The following CNTN4 variants were observed in gnomAD, a reference collection of about 807,000 sequenced individuals.
The protein encoded by CNTN4 is contactin-4.
In CNTN4, 77 loss-of-function variants were observed where a neutral mutation model predicts 122.5. The observed-to-expected ratio is 0.63, with a 90% CI of 0.52 to 0.76. The LOEUF is 0.76. Ranked by LOEUF, CNTN4 falls within the 30% of genes least tolerant of loss-of-function variation. The pLI, the probability that CNTN4 is intolerant of heterozygous loss-of-function variation, is 0.00. For synonymous variants in CNTN4, 512 were observed against 447.0 expected (o/e 1.15, Z -1.83); for missense variants, 1,256 against 1,259.1 (o/e 1.00, Z 0.04).
intron 4 of CNTN4, among the ~76,000 whole-genome samples, chr3:2,579,957 A>C (rs2079861208): frequency 6.6e-6 from 1 of 152,124 alleles, no homozygotes; most frequent in Non-Finnish European, 1.5e-5. Flanking sequence ...GGTTTACAGC[A>C]CATCTGGACC....
Position 2,745,692 on chromosome 3 carries a change from T to TCAG in CNTN4, c.353_354insCAG (p.Phe118_Ala119insSer). 6.2e-7 allele frequency: 1 copy of TCAG among 1,614,080 alleles called. No individual in the cohort carries two copies. Among genetic ancestry groups the TCAG allele is most frequent in the Non-Finnish European group, 8.5e-7 (1 of 1,179,912 alleles). On this transcript the variant is annotated inframe_insertion, in exon 6 of 25. Transcript: ENST00000418658. ...GTTAGCAGAGAAGCAAAGCTTCAGT[T>TCAG]TGCTTGTAAGTAGCAATTATACAAT...
At chr3:2,696,417 T>C (rs1203493848) in intron 4 of CNTN4, among the ~76,000 whole-genome samples, 1 of 152,206 alleles carries the variant, frequency 6.6e-6, no homozygotes, top group Non-Finnish European at 1.5e-5. Flanking sequence ...AATGCACTTA[T>C]AAAAGAGGCT....
At chr3:2,639,479 C>T (rs1262953082) in intron 4 of CNTN4, among the ~76,000 whole-genome samples, 1 of 152,176 alleles carries the variant, frequency 6.6e-6, no homozygotes, top group African/African-American at 2.4e-5. Context: ...TACGCACTTC[C>T]CTCCACATTC....
At chr3:2,274,113 T>C (rs1436029200) in intron 2 of CNTN4, among the ~76,000 whole-genome samples, 1 of 152,160 alleles carries the variant, frequency 6.6e-6, no homozygotes, top group African/African-American at 2.4e-5. Context: ...CTGGATACCG[T>C]GGCTCACGCT....
chr3:2,742,948 G>A (rs1361439283), intron 5 of CNTN4, among the ~76,000 whole-genome samples: 5 of 152,048 alleles, frequency 3.3e-5, no homozygotes, highest in Admixed American at 1.3e-4. Flanking sequence ...ACTGCATTTC[G>A]GAGAAAGCAC....
At chr3:3,039,678 T>G (rs570487336) in intron 19 of CNTN4, 32 of 271,608 alleles carry the variant, frequency 1.2e-4, no homozygotes, top group African/African-American at 6.8e-4. Flanking sequence ...TTTGTCTATT[T>G]GGCAATGGAA....
intron 2 of CNTN4, among the ~76,000 whole-genome samples, chr3:2,318,898 C>G (rs542460448): frequency 6.6e-6 from 1 of 152,148 alleles, no homozygotes; most frequent in Non-Finnish European, 1.5e-5. Context: ...CCCACTTGGC[C>G]GCCCAAGTTG....
At position 2,934,391 on chromosome 3, in the gene CNTN4, C is replaced by G. The variant is rs187297552; in HGVS notation, c.1358+8612C>G. On this transcript the variant is annotated intron_variant, in intron 13 of 24. Transcript: ENST00000418658. The stretch of plus-strand genomic sequence containing the variant: ...ATTGGATCATAACCCTAATTTGCCT[C>G]TCTTCCCAAAGGCTTTTGGAAGAGT... Among the ~76,000 whole-genome samples, 144 of 152,274 alleles carry G rather than the reference C, an allele frequency of 9.5e-4. 1 individual carries two copies. The highest frequency in any genetic ancestry group is 3.0e-3 in the Admixed American group (46 of 15,302).
At chr3:2,640,354 C>T (rs1309679579) in intron 4 of CNTN4, among the ~76,000 whole-genome samples, 2 of 152,118 alleles carry the variant, frequency 1.3e-5, no homozygotes, top group Non-Finnish European at 2.9e-5. Context: ...TTTTGTAAGG[C>T]TGTTTATGGG....
At chr3:2,106,290 ACT>A (rs1325576098) in intron 2 of CNTN4, among the ~76,000 whole-genome samples, 2 of 152,074 alleles carry the variant, frequency 1.3e-5, no homozygotes, top group Admixed American at 1.3e-4. Flanking sequence ...CCCAGTGGTG[ACT>A]CTGTGTTGGG....
intron 3 of CNTN4, among the ~76,000 whole-genome samples, chr3:2,418,608 T>C (rs1271897187): frequency 6.6e-6 from 1 of 152,172 alleles, no homozygotes; most frequent in Non-Finnish European, 1.5e-5. Flanking sequence ...ATTTAATAAC[T>C]GCTGATAAAG....
chr3:2,844,139 C>A (rs917708160), intron 7 of CNTN4, among the ~76,000 whole-genome samples: 2 of 152,186 alleles, frequency 1.3e-5, no homozygotes, highest in Non-Finnish European at 2.9e-5. Flanking sequence ...CCCCCAGATA[C>A]CTCGTGGCTT....
At chr3:2,510,041 T>A (rs942531171) in intron 3 of CNTN4, among the ~76,000 whole-genome samples, 2 of 152,152 alleles carry the variant, frequency 1.3e-5, no homozygotes, top group African/African-American at 4.8e-5. Context: ...TCCCCACACA[T>A]TTAAAATTTA....
At chr3:2,335,368 T>C (rs2043907629) in intron 2 of CNTN4, among the ~76,000 whole-genome samples, 1 of 152,092 alleles carries the variant, frequency 6.6e-6, no homozygotes, top group African/African-American at 2.4e-5. Context: ...TTCTCATGGA[T>C]TACCTCAGTC....
chr3:2,508,852 A>G (rs1030152718), intron 3 of CNTN4, among the ~76,000 whole-genome samples: 20 of 152,214 alleles, frequency 1.3e-4, no homozygotes, highest in Admixed American at 9.2e-4. Context: ...TATGCCCTTT[A>G]ATGAAAAAAA....
At chr3:2,371,797 A>G (rs77032021) in intron 3 of CNTN4, among the ~76,000 whole-genome samples, 2 of 152,218 alleles carry the variant, frequency 1.3e-5, no homozygotes, top group East Asian at 3.8e-4. Context: ...TAGACCTGTT[A>G]GAAACTCAAA....
At position 2,736,200 on chromosome 3, in the gene CNTN4, C is replaced by G; in HGVS notation, c.56-15C>G. ...AGGGATTCTTCATTTTGGACATTTT[C>G]TCTTCTCATTTCAGATGATTCCACA... On this transcript the variant is annotated splice_polypyrimidine_tract_variant and intron_variant, in intron 4 of 24. Transcript: ENST00000418658. 1 of 1,612,116 alleles carries G rather than the reference C, an allele frequency of 6.2e-7. No individual in the cohort carries two copies. The highest frequency in any genetic ancestry group is 8.5e-7 in the Non-Finnish European group (1 of 1,178,664).
chr3:2,824,749 C>T (rs1466286911), intron 7 of CNTN4, among the ~76,000 whole-genome samples: 2 of 152,122 alleles, frequency 1.3e-5, no homozygotes, highest in Admixed American at 1.3e-4. Flanking sequence ...GCAACCTCCG[C>T]CTCCTGGGTT....
intron 2 of CNTN4, among the ~76,000 whole-genome samples, chr3:2,313,423 G>T (rs1031647340): frequency 6.6e-6 from 1 of 152,010 alleles, no homozygotes; most frequent in African/African-American, 2.4e-5. Flanking sequence ...CCAAAAAAAT[G>T]CAGTGTGCTG....
Sources: gnomAD v4.1 joint callset for allele counts (sites outside exome capture counted in the v4.1 genomes callset) on GRCh38, gnomAD v4.1.1 for gene constraint, MANE v1.5 for transcripts, NCBI Gene and HGNC (gene_info 2026-07-23, HGNC 2026-07-21) for gene names.